The following TRAPPC9 variants were observed in gnomAD, a reference collection of about 807,000 sequenced individuals.
The protein encoded by TRAPPC9 is trafficking protein particle complex subunit 9.
A neutral mutation model predicts 124.0 loss-of-function variants in TRAPPC9; 83 were observed. The ratio of observed to expected loss-of-function variants is 0.67; its 90% CI spans 0.56 to 0.80. TRAPPC9 has a LOEUF of 0.80. TRAPPC9 is among the 30% of genes least tolerant of loss of function. TRAPPC9 has a pLI of 0.00. For missense variants in TRAPPC9, 1,302 were observed against 1,508.3 expected, an observed-to-expected ratio of 0.86 and a Z score of 2.27; for synonymous variants, 638 against 617.5, an observed-to-expected ratio of 1.03 and a Z score of -0.49.
In TRAPPC9 at chr8:140,388,691, T is replaced by C. The variant is rs189860308; in HGVS notation, c.1134+8929A>G. 2.3e-3 allele frequency among the ~76,000 whole-genome samples: 334 copies of C among 147,396 alleles called. 2 individuals are homozygous for C. The highest frequency in any genetic ancestry group is 8.1e-3 in the African/African-American group (323 of 39,860). On this transcript the variant is annotated intron_variant, in intron 7 of 22. Transcript: ENST00000438773. ...AGCAAGACTCCATCTCAAAAAAAAA[T>C]ACAAAAATTAGTTGGGCGTGGTGGT...
chr8:140,013,270 A>C (rs1839252437), intron 18 of TRAPPC9, among the ~76,000 whole-genome samples: 2 of 152,074 alleles, frequency 1.3e-5, no homozygotes, highest in African/African-American at 4.8e-5. Context: ...TCCTCCAGGA[A>C]CCTGTCTGTA....
At chr8:139,869,461 AT>A (rs1167733876) in intron 21 of TRAPPC9, among the ~76,000 whole-genome samples, 4 of 152,208 alleles carry the variant, frequency 2.6e-5, no homozygotes, top group African/African-American at 9.7e-5. Flanking sequence ...TGTCACATCA[AT>A]ACAAGATCAC....
chr8:139,849,711 A>G (rs1586982546), intron 21 of TRAPPC9, among the ~76,000 whole-genome samples: 1 of 152,242 alleles, frequency 6.6e-6, no homozygotes, highest in South Asian at 2.1e-4. Context: ...AAGTGTGCTC[A>G]GTGCTCTCTG....
chr8:140,163,556 G>A (rs1006901530), intron 17 of TRAPPC9, among the ~76,000 whole-genome samples: 3 of 152,226 alleles, frequency 2.0e-5, no homozygotes, highest in African/African-American at 4.8e-5. Context: ...GGTGGGAAAC[G>A]GAGAGGGTGG....
At chr8:140,275,930 A>G (rs2065103876) in intron 14 of TRAPPC9, 109 bp from the exon 15 acceptor site, 5 of 899,890 alleles carry the variant, frequency 5.6e-6, no homozygotes, top group South Asian at 1.5e-5. Flanking sequence ...TTTCAGAAAC[A>G]GGGGCTAGGA....
intron 19 of TRAPPC9, among the ~76,000 whole-genome samples, chr8:139,952,843 G>A (rs1009085194): frequency 2.6e-5 from 4 of 152,162 alleles, no homozygotes; most frequent in Admixed American, 2.0e-4. Flanking sequence ...TTCTCTAATC[G>A]GATTCTATAA....
chr8:140,316,884 G>A (rs969272712), intron 9 of TRAPPC9, among the ~76,000 whole-genome samples: 2 of 152,148 alleles, frequency 1.3e-5, no homozygotes, highest in Non-Finnish European at 2.9e-5. Context: ...TCTTATTACT[G>A]ATTCAATTTT....
intron 21 of TRAPPC9, among the ~76,000 whole-genome samples, chr8:139,789,935 G>C: frequency 6.6e-6 from 1 of 152,222 alleles, no homozygotes; most frequent in South Asian, 2.1e-4. Context: ...CAGCCTTCTC[G>C]GGCTCCCGTC....
chr8:139,901,606 A>C (rs150033785), intron 20 of TRAPPC9, among the ~76,000 whole-genome samples: 148 of 152,336 alleles, frequency 9.7e-4, no homozygotes, highest in African/African-American at 3.3e-3. Context: ...GAGCAGGTGA[A>C]ATGGACAGAG....
intron 17 of TRAPPC9, among the ~76,000 whole-genome samples, chr8:140,124,072 G>T (rs2061037141): frequency 6.6e-6 from 1 of 152,238 alleles, no homozygotes; most frequent in Admixed American, 6.5e-5. Context: ...CCCCCAGCTG[G>T]TTATTTAAAC....
intron 17 of TRAPPC9, among the ~76,000 whole-genome samples, chr8:140,055,609 C>T (rs1842247764): frequency 6.6e-6 from 1 of 152,094 alleles, no homozygotes; most frequent in Non-Finnish European, 1.5e-5. Flanking sequence ...ATCTTATATC[C>T]AGAAAACATT....
chr8:140,114,791 G>T (rs1358387326), intron 17 of TRAPPC9, among the ~76,000 whole-genome samples: 2 of 152,198 alleles, frequency 1.3e-5, no homozygotes, highest in Admixed American at 6.5e-5. Flanking sequence ...TGAGAGGAAG[G>T]AAGTGAAAGG....
chr8:140,351,959 C>G (rs1253903563), intron 9 of TRAPPC9, among the ~76,000 whole-genome samples: 1 of 152,168 alleles, frequency 6.6e-6, no homozygotes. Flanking sequence ...GTGCAACAAC[C>G]ACCACAATGT....
chr8:140,081,066 G>A (rs1023675531), intron 17 of TRAPPC9, among the ~76,000 whole-genome samples: 1 of 152,154 alleles, frequency 6.6e-6, no homozygotes, highest in African/African-American at 2.4e-5. Flanking sequence ...TGGCTCTGGA[G>A]GTGTGACCAA....
chr8:139,864,123 T>C (rs1828361167), intron 21 of TRAPPC9, among the ~76,000 whole-genome samples: 1 of 152,166 alleles, frequency 6.6e-6, no homozygotes, highest in Non-Finnish European at 1.5e-5. Context: ...AGGAGCCATT[T>C]ATTCAGCTGG....
chr8:140,425,602 A>G (rs549317284), intron 5 of TRAPPC9, among the ~76,000 whole-genome samples: 8 of 152,030 alleles, frequency 5.3e-5, no homozygotes, highest in South Asian at 2.1e-4. Flanking sequence ...TTCTCCTACA[A>G]CTAATGTGAT....
chr8:140,010,172 T>C lies in TRAPPC9; in HGVS notation c.2699+13765A>G, dbSNP rs568135296. Among the ~76,000 whole-genome samples, 8 of 152,360 alleles carry C rather than the reference T, an allele frequency of 5.3e-5. No homozygotes were observed. In the South Asian group the frequency reaches 1.7e-3, roughly 32 times the overall value. On this transcript the variant is annotated intron_variant, in intron 18 of 22. Transcript: ENST00000438773. ...TAACAACTAAATTTGTGGAATACTT[T>C]CAATTTTAGATTTTGTAAAATCTTA...
At chr8:140,276,152 T>G (rs2065112125) in intron 14 of TRAPPC9, among the ~76,000 whole-genome samples, 3 of 152,194 alleles carry the variant, frequency 2.0e-5, no homozygotes, top group South Asian at 2.1e-4. Context: ...CATGATGAAT[T>G]CATTCAAATA....
At chr8:140,297,353 C>A (rs1308793407) in intron 11 of TRAPPC9, among the ~76,000 whole-genome samples, 2 of 151,984 alleles carry the variant, frequency 1.3e-5, no homozygotes, top group Non-Finnish European at 2.9e-5. Context: ...TGCATAGACA[C>A]ACACACATAC....
Sources: gnomAD v4.1 joint callset for allele counts (sites outside exome capture counted in the v4.1 genomes callset) on GRCh38, gnomAD v4.1.1 for gene constraint, MANE v1.5 for transcripts, NCBI Gene and HGNC (gene_info 2026-07-23, HGNC 2026-07-21) for gene names.